The following DICER1 variants were observed in gnomAD, a reference collection of about 807,000 sequenced individuals.
The protein encoded by DICER1 is dicer 1, ribonuclease III, also known as endoribonuclease Dicer.
DICER1 carries 43 observed loss-of-function variants against 194.1 expected under a neutral mutation model. That is an observed-to-expected ratio of 0.22 (90% CI 0.17 to 0.29). DICER1 has a LOEUF of 0.29. DICER1 is among the 10% of genes least tolerant of loss of function. DICER1 has a pLI of 1.00. For synonymous variants in DICER1, 832 were observed against 820.5 expected (o/e 1.01, Z -0.24); for missense variants, 1,608 against 2,317.0 (o/e 0.69, Z 6.28).
At chr14:95,153,672 G>A (rs139420852) in intron 1 of DICER1, among the ~76,000 whole-genome samples, 1 of 152,238 alleles carries the variant, frequency 6.6e-6, no homozygotes, top group East Asian at 1.9e-4. Context: ...CTAATTCTCT[G>A]CCTCCACATT....
intron 1 of DICER1, among the ~76,000 whole-genome samples, chr14:95,154,795 A>G (rs11160232): frequency 0.41 from 61,887 of 151,340 alleles, 14,888 homozygotes; most frequent in African/African-American, 0.68. Flanking sequence ...AAAACAATGT[A>G]AATGTACTGT....
rs571852264 is a variant in DICER1, at chr14:95,104,081, T to C, written c.3315A>G (p.Lys1105=). The C allele has an allele frequency of 3.7e-6, 6 of 1,613,992 alleles. No homozygotes were observed. In the East Asian group the frequency reaches 8.9e-5, roughly 24 times the overall value. Residue 1105 remains lysine (K), a synonymous_variant, in exon 21 of 27, where the codon AAA becomes AAG. Coordinates refer to ENST00000343455, the MANE Select transcript of DICER1 (RefSeq NM_177438.3). ...DFGWKKSIDS[K]SFISISNSSS... ...AGGAGTTAGAAATTGAGATGAAAGA[T>C]TTGCTGTCAATAGATTTTTTCCACC...
At chr14:95,101,093 G>A (rs146726012) in intron 21 of DICER1, among the ~76,000 whole-genome samples, 7 of 152,294 alleles carry the variant, frequency 4.6e-5, no homozygotes, top group South Asian at 2.1e-4. Flanking sequence ...AAAGAGCTAC[G>A]TAAGGTCTCA....
intron 7 of DICER1, 93 bp downstream of exon 7, chr14:95,126,482 CAAAGA>C (rs559469619): frequency 3.3e-4 from 258 of 790,158 alleles, no homozygotes; most frequent in Middle Eastern, 1.5e-3. Flanking sequence ...AACTAAAATG[CAAAGA>C]AAAGAGCCGC....
chr14:95,096,012 G>A lies in DICER1; in HGVS notation c.4908C>T (p.Asp1636=), dbSNP rs898302530. 6.2e-7 allele frequency: 1 copy of A among 1,614,226 alleles called. No homozygotes were observed. Among genetic ancestry groups the A allele is most frequent in the Non-Finnish European group, 8.5e-7 (1 of 1,180,042 alleles). The change falls in exon 23 of 27, where the codon GAC becomes GAT. Residue 1636 remains aspartate, a synonymous_variant. Coordinates refer to ENST00000343455, the MANE Select transcript of DICER1 (RefSeq NM_177438.3). ...VASSRSSVLK[D]SEYGCLKIPP... ...GAATCTTCAAACAACCATATTCCGA[G>A]TCTTTCAATACAGAAGAGCGTGAAC...
intron 1 of DICER1, among the ~76,000 whole-genome samples, chr14:95,134,168 T>G (rs571158067): frequency 1.3e-5 from 2 of 152,280 alleles, no homozygotes; most frequent in East Asian, 3.9e-4. Context: ...GACAACCTAT[T>G]ATAAATGCAC....
intron 6 of DICER1, among the ~76,000 whole-genome samples, chr14:95,127,453 T>C (rs1214342796): frequency 1.3e-5 from 2 of 152,196 alleles, no homozygotes; most frequent in Admixed American, 6.5e-5. Context: ...TTGGAATATT[T>C]GCATATAAAA....
At chr14:95,104,842 T>C (rs1416199405) in intron 20 of DICER1, among the ~76,000 whole-genome samples, 1 of 152,226 alleles carries the variant, frequency 6.6e-6, no homozygotes, top group Non-Finnish European at 1.5e-5. Flanking sequence ...GCTGATGCAG[T>C]AACAAAGAAC....
Position 95,086,933 on chromosome 14 carries a change from G to A in DICER1, c.*3565C>T, listed in dbSNP as rs538167133. 8.6e-6 allele frequency: 2 copies of A among 232,840 alleles called. No homozygotes were observed. Among genetic ancestry groups the A allele is most frequent in the East Asian group, 1.2e-4 (2 of 16,464 alleles). The allele number at this position is 232,840 out of a possible 1,614,324, so 14.4% of individuals were successfully genotyped here. ...TTTCTCTTCTGCAGATAATGCAAAT[G>A]GGTTAAAGACTCTTAACATAATTTC... On this transcript the variant is annotated 3_prime_UTR_variant, in exon 27 of 27. Transcript: ENST00000343455.
At chr14:95,154,366 A>G (rs183424562) in intron 1 of DICER1, among the ~76,000 whole-genome samples, 2 of 152,238 alleles carry the variant, frequency 1.3e-5, no homozygotes, top group Non-Finnish European at 2.9e-5. Flanking sequence ...TATGTCTAAA[A>G]GAAGGGAAAG....
chr14:95,126,850 A>T (rs1238196953), intron 6 of DICER1, 102 bp from the exon 7 acceptor site: 2 of 163,766 alleles, frequency 1.2e-5, no homozygotes, highest in South Asian at 9.9e-5. Flanking sequence ...AATAGATACT[A>T]AAAAAAAAAA....
Position 95,113,153 on chromosome 14 carries a change from T to C in DICER1, c.1979A>G (p.Asp660Gly), listed in dbSNP as rs151272381. Residue 660 changes from aspartate (D) to glycine (G), a missense_variant, in exon 12 of 27, where the codon GAT becomes GGT. Coordinates refer to ENST00000343455, the MANE Select transcript of DICER1 (RefSeq NM_177438.3). ...APKCRTRELP[D>G]GTFYSTLYLP... ...ATAAAGAGTTGAATAAAATGTACCA[T>C]CAGGCAACTCTCGGGTTCTGCATTT... 1.4e-5 allele frequency: 22 copies of C among 1,613,480 alleles called. No homozygotes were observed. In the African/African-American group the frequency reaches 2.7e-4, roughly 20 times the overall value.
chr14:95,129,770 C>A, intron 5 of DICER1, 138 bp from the exon 6 acceptor site: 2 of 844,514 alleles, frequency 2.4e-6, no homozygotes, highest in Non-Finnish European at 3.7e-6. Flanking sequence ...GCCACTATAC[C>A]AAGGACAACA....
At chr14:95,130,919 T>C (rs1480894703) in intron 4 of DICER1, among the ~76,000 whole-genome samples, 5 of 152,244 alleles carry the variant, frequency 3.3e-5, no homozygotes, top group Non-Finnish European at 7.3e-5. Context: ...AAGCGCATTA[T>C]CAGCAAGTTG....
At chr14:95,097,297 T>G (rs1036777940) in intron 22 of DICER1, among the ~76,000 whole-genome samples, 4 of 152,296 alleles carry the variant, frequency 2.6e-5, no homozygotes. Context: ...AAAGTATACT[T>G]GCCACAAAAA....
intron 1 of DICER1, among the ~76,000 whole-genome samples, chr14:95,134,977 T>C (rs1894248671): frequency 6.6e-6 from 1 of 152,234 alleles, no homozygotes; most frequent in East Asian, 1.9e-4. Context: ...CCAAGCCTAG[T>C]ACCCACTTTC....
In DICER1 at chr14:95,154,698, T is replaced by C. The variant is rs114143055; in HGVS notation, c.-46+2532A>G. Among the ~76,000 whole-genome samples the C allele has an allele frequency of 5.3e-3, 803 of 152,212 alleles. 3 individuals are homozygous for C. The highest frequency in any genetic ancestry group is 0.018 in the African/African-American group (744 of 41,510). Reference sequence around the variant, plus strand: ...AATGGTGGTTCTCTGGCATTGAAGGTAGGATGGAATCAGGAGTTAGTGTTA... The same window carrying C: ...AATGGTGGTTCTCTGGCATTGAAGGCAGGATGGAATCAGGAGTTAGTGTTA... On this transcript the variant is annotated intron_variant, in intron 1 of 26. Coordinates refer to ENST00000343455, the MANE Select transcript of DICER1 (RefSeq NM_177438.3).
intron 3 of DICER1, among the ~76,000 whole-genome samples, chr14:95,132,075 G>A (rs1893997510): frequency 6.6e-6 from 1 of 152,068 alleles, no homozygotes; most frequent in South Asian, 2.1e-4. Flanking sequence ...TATAATCCAA[G>A]CATATAAAAA....
chr14:95,155,907 C>T (rs1895824622), intron 1 of DICER1, among the ~76,000 whole-genome samples: 1 of 152,146 alleles, frequency 6.6e-6, no homozygotes, highest in Non-Finnish European at 1.5e-5. Context: ...GCACATATTA[C>T]ATATAATACA....
Sources: allele counts gnomAD v4.1 joint callset (sites outside exome capture counted in the v4.1 genomes callset), GRCh38; gene constraint gnomAD v4.1.1; transcripts MANE v1.5; gene names NCBI Gene and HGNC (gene_info 2026-07-23, HGNC 2026-07-21).